C19orf44: variants seen among roughly 807,000 people sequenced by gnomAD.
The protein encoded by C19orf44 is chromosome 19 open reading frame 44.
In C19orf44, 43 loss-of-function variants were observed where a neutral mutation model predicts 50.7. The observed-to-expected ratio is 0.85, with a 90% CI of 0.66 to 1.09. C19orf44 has a LOEUF of 1.09. Ranked by LOEUF, C19orf44 falls within the 50% of genes least tolerant of loss-of-function variation. The probability of loss-of-function intolerance (pLI) is 0.00; values close to 1 mark genes in which losing one functional copy is unlikely to be tolerated. For synonymous variants in C19orf44, 298 were observed against 334.7 expected (o/e 0.89, Z 1.20); for missense variants, 722 against 836.2 (o/e 0.86, Z 1.68).
chr19:16,504,409 T>C (rs1193886467), intron 3 of C19orf44, among the ~76,000 whole-genome samples: 1 of 152,068 alleles, frequency 6.6e-6, no homozygotes, highest in East Asian at 1.9e-4. Context: ...AATGACAACA[T>C]AGGATGCTTT....
In C19orf44 at chr19:16,521,228, AG is replaced by A; in HGVS notation, c.*1179del. On this transcript the variant is annotated 3_prime_UTR_variant, in exon 9 of 9. Coordinates refer to ENST00000221671, the MANE Select transcript of C19orf44 (RefSeq NM_032207.4). ...AGGCCTGCAGCCCAGCACAGGAAGG[AG>A]GGGTGACCACTGGGAAGGGTGGGCT... is the stretch of plus-strand genomic sequence containing the variant. The A allele has an allele frequency of 1.8e-6, 1 of 571,316 alleles. No individual in the cohort carries two copies. Among genetic ancestry groups the A allele is most frequent in the Admixed American group, 3.1e-5 (1 of 32,218 alleles). The allele number at this position is 571,316 out of a possible 1,614,324, so 35.4% of individuals were successfully genotyped here. A position where few individuals can be genotyped will look rare whatever the true frequency, so the allele number is the denominator to read the frequency against.
At chr19:16,504,889 G>A (rs1376665895) in intron 3 of C19orf44, among the ~76,000 whole-genome samples, 1 of 151,536 alleles carries the variant, frequency 6.6e-6, no homozygotes, top group African/African-American at 2.4e-5. Flanking sequence ...CGTGATCTCG[G>A]CTCACTGTAA....
chr19:16,519,699 C>A lies in C19orf44; in HGVS notation c.*41-395C>A. The A allele has an allele frequency of 1.2e-6, 2 of 1,613,880 alleles. No homozygotes were observed. Among genetic ancestry groups the A allele is most frequent in the Non-Finnish European group, 1.7e-6 (2 of 1,179,854 alleles). The stretch of plus-strand genomic sequence containing the variant: ...GGGATGGGAGGCGCCGAATTAGAAC[C>A]CAGACCAGCAGAGGAACTAAAATCG... On this transcript the variant is annotated intron_variant, in intron 8 of 8. Transcript: ENST00000221671. The surrounding 1 kb of genome is among the most constrained non-coding windows in gnomAD (Gnocchi z 6.0).
intron 2 of C19orf44, among the ~76,000 whole-genome samples, chr19:16,501,767 GT>G (rs2093426247): frequency 6.6e-6 from 1 of 150,518 alleles, no homozygotes; most frequent in Admixed American, 6.6e-5. Context: ...AATTTTATGT[GT>G]TTAGTAGAGA....
chr19:16,513,624 T>C (rs951098530), intron 6 of C19orf44, among the ~76,000 whole-genome samples: 3 of 152,180 alleles, frequency 2.0e-5, no homozygotes, highest in Non-Finnish European at 2.9e-5. Flanking sequence ...CCTCAAATGA[T>C]CTGCCCACCT....
rs1034238692 is a variant in C19orf44 at position 16,520,010 on chromosome 19, G to C, written c.*41-84G>C. On this transcript the variant is annotated intron_variant, in intron 8 of 8. Coordinates refer to ENST00000221671, the MANE Select transcript of C19orf44 (RefSeq NM_032207.4). This position sits in a 1 kb window ranked among gnomAD's most constrained non-coding sequence, Gnocchi z 4.0. The stretch of plus-strand genomic sequence containing the variant: ...TTCGCCAAGTGGCTACTGTGGTGAA[G>C]GGTGAGGGGTGCCACTGTCCCCGGG... 2 of 898,610 alleles carry C rather than the reference G, an allele frequency of 2.2e-6. No individual in the cohort carries two copies. The highest frequency in any genetic ancestry group is 3.5e-6 in the Non-Finnish European group (2 of 574,210). 55.7% of individuals were successfully genotyped at this position (898,610 alleles called of 1,614,324 possible). A position where few individuals can be genotyped will look rare whatever the true frequency, so the allele number is the denominator to read the frequency against.
Position 16,520,670 on chromosome 19 carries a change from C to T in C19orf44, c.*617C>T, listed in dbSNP as rs2303118. On this transcript the variant is annotated 3_prime_UTR_variant, in exon 9 of 9. Transcript: ENST00000221671. The surrounding 1 kb of genome is among the most constrained non-coding windows in gnomAD (Gnocchi z 4.0). ...CAAGTTCCTAAATAGTGTGGCCGAG[C>T]CTGCTGCTGTGTGAATTCAGGCCTT... 8 of 1,125,214 alleles carry T rather than the reference C, an allele frequency of 7.1e-6. No individual in the cohort carries two copies. Among genetic ancestry groups the T allele is most frequent in the Non-Finnish European group, 1.0e-5 (8 of 767,338 alleles). 69.7% of individuals were successfully genotyped at this position (1,125,214 alleles called of 1,614,324 possible).
intron 6 of C19orf44, 135 bp downstream of exon 6, chr19:16,513,244 C>A: frequency 2.5e-6 from 2 of 796,854 alleles, no homozygotes; most frequent in Non-Finnish European, 4.0e-6. Flanking sequence ...GGGATTATTG[C>A]AGCCACAGGC....
intron 3 of C19orf44, among the ~76,000 whole-genome samples, 166 bp downstream of exon 3, chr19:16,503,546 G>A (rs961984933): frequency 7.2e-5 from 11 of 152,114 alleles, no homozygotes; most frequent in Non-Finnish European, 1.6e-4. Flanking sequence ...GGCCAAGTCC[G>A]ATTTTTGTGC....
At chr19:16,512,958 C>T (rs549935166) in intron 5 of C19orf44, 56 bp from the exon 6 acceptor site, 23 of 1,502,994 alleles carry the variant, frequency 1.5e-5, no homozygotes, top group Admixed American at 5.1e-5. Flanking sequence ...TCTGTGGACC[C>T]GAAAGTCATT....
Position 16,521,150 on chromosome 19 carries a change from G to C in C19orf44, c.*1097G>C, listed in dbSNP as rs1339372310. The C allele has an allele frequency of 1.2e-5, 7 of 594,202 alleles. No individual in the cohort carries two copies. Among genetic ancestry groups the C allele is most frequent in the Non-Finnish European group, 1.8e-5 (6 of 332,544 alleles). 36.8% of individuals were successfully genotyped at this position (594,202 alleles called of 1,614,324 possible). A position where few individuals can be genotyped will look rare whatever the true frequency, so the allele number is the denominator to read the frequency against. On this transcript the variant is annotated 3_prime_UTR_variant, in exon 9 of 9. Coordinates refer to ENST00000221671, the MANE Select transcript of C19orf44 (RefSeq NM_032207.4). Reference sequence around the variant, plus strand: ...ACCCTGCTGTTCCGCTGAGGTGGTGGGGACCCATGGTCTGTGGAACTGGGA... The same window carrying C: ...ACCCTGCTGTTCCGCTGAGGTGGTGCGGACCCATGGTCTGTGGAACTGGGA...
At chr19:16,517,207 G>A (rs753601360) in intron 7 of C19orf44, 23 bp from the exon 8 acceptor site, 41 of 1,608,762 alleles carry the variant, frequency 2.5e-5, no homozygotes, top group East Asian at 8.9e-5. Flanking sequence ...TGGTGATGGC[G>A]TGGTCTGTTC....
At position 16,520,315 on chromosome 19, in the gene C19orf44, G is replaced by T. The variant is rs761214714; in HGVS notation, c.*262G>T. 1 of 1,611,372 alleles carries T rather than the reference G, an allele frequency of 6.2e-7. No homozygotes were observed. Among genetic ancestry groups the T allele is most frequent in the East Asian group, 2.2e-5 (1 of 44,858 alleles). ...CAGCAGCAGCCAGGCGTCGTGGGGA[G>T]GCCACAGGAAGAGGCCTCAGGCACT... On this transcript the variant is annotated 3_prime_UTR_variant, in exon 9 of 9. Transcript: ENST00000221671. The surrounding 1 kb of genome is among the most constrained non-coding windows in gnomAD (Gnocchi z 4.0).
In C19orf44 at chr19:16,513,102, A is replaced by G. The variant is rs1246272747; in HGVS notation, c.1728A>G (p.Ala576=). 1 of 1,613,842 alleles carries G rather than the reference A, an allele frequency of 6.2e-7. No homozygotes were observed. The highest frequency in any genetic ancestry group is 1.1e-5 in the South Asian group (1 of 91,066). ...PIANHVISAD[A]IEALTAYSPA... ...CCAATCATGTTATCAGTGCAGATGC[A>G]ATAGAAGGTAACAGCCCGGCTCGGG... The change falls in exon 6 of 9, where the codon GCA becomes GCG. Residue 576 remains alanine (A), a synonymous_variant. Coordinates refer to ENST00000221671, the MANE Select transcript of C19orf44 (RefSeq NM_032207.4).
chr19:16,501,690 C>A, intron 2 of C19orf44, 139 bp downstream of exon 2: 1 of 543,678 alleles, frequency 1.8e-6, no homozygotes, highest in Non-Finnish European at 2.7e-6. Flanking sequence ...CTCCTAGATT[C>A]AAGTGATTCT....
chr19:16,512,060 A>G (rs1599736978), intron 5 of C19orf44, among the ~76,000 whole-genome samples: 1 of 145,604 alleles, frequency 6.9e-6, no homozygotes, highest in African/African-American at 2.5e-5. Context: ...TTCTCACTGG[A>G]TCTATTTGTT....
chr19:16,517,154 T>C, intron 7 of C19orf44, 76 bp from the exon 8 acceptor site: 1 of 1,372,276 alleles, frequency 7.3e-7, no homozygotes, highest in South Asian at 1.2e-5. Flanking sequence ...CTGGCTCCAC[T>C]CCCTCCTCCA....
chr19:16,513,932 C>T (rs2093464601), intron 6 of C19orf44, among the ~76,000 whole-genome samples: 1 of 152,024 alleles, frequency 6.6e-6, no homozygotes, highest in Admixed American at 6.6e-5. Flanking sequence ...CCAATAAAGG[C>T]TTGTGATACA....
rs188551958 is a variant in C19orf44, at chr19:16,517,425, G to A, written c.*40+84G>A. The A allele has an allele frequency of 1.6e-4, 153 of 967,364 alleles. No homozygotes were observed. In the African/African-American group the frequency reaches 2.4e-3, roughly 15 times the overall value. The allele number at this position is 967,364 out of a possible 1,614,324, so 59.9% of individuals were successfully genotyped here. Reference sequence around the variant, plus strand: ...GTCCAAGTGTGACGTTCCGTGGTGGGGGCAGGTGGTACTGGGGTGATGGAC... The same window carrying A: ...GTCCAAGTGTGACGTTCCGTGGTGGAGGCAGGTGGTACTGGGGTGATGGAC... On this transcript the variant is annotated intron_variant, in intron 8 of 8. Coordinates refer to ENST00000221671, the MANE Select transcript of C19orf44 (RefSeq NM_032207.4).
Sources: allele counts gnomAD v4.1 joint callset (sites outside exome capture counted in the v4.1 genomes callset), GRCh38; gene constraint gnomAD v4.1.1; non-coding constraint Gnocchi (gnomAD v3.1); transcripts MANE v1.5; gene names NCBI Gene and HGNC (gene_info 2026-07-23, HGNC 2026-07-21).